The following TNS2 variants were observed in gnomAD, a reference collection of about 807,000 sequenced individuals.
TNS2 encodes the protein tensin-2.
Under a neutral mutation model 155.7 loss-of-function variants are expected in TNS2, and 77 were observed. The ratio of observed to expected loss-of-function variants is 0.49; its 90% confidence interval spans 0.41 to 0.60. The LOEUF (loss-of-function observed/expected upper bound fraction) is 0.60. Ranked by LOEUF, TNS2 falls within the 20% of genes least tolerant of loss-of-function variation. TNS2 has a pLI of 0.00. For synonymous variants in TNS2, 726 were observed against 763.9 expected (o/e 0.95, Z 0.82); for missense variants, 1,703 against 1,868.8 (o/e 0.91, Z 1.64).
At chr12:53,049,539 G>C (rs1943847894), upstream of TNS2, among the ~76,000 whole-genome samples, 1 of 152,124 alleles carries the variant, frequency 6.6e-6, no homozygotes, top group Non-Finnish European at 1.5e-5. Context: ...GGTAAAGGTG[G>C]GCGGTGCATG....
chr12:53,056,537 C>T (rs1944166024), intron 10 of TNS2, among the ~76,000 whole-genome samples: 1 of 152,144 alleles, frequency 6.6e-6, no homozygotes, highest in African/African-American at 2.4e-5. Context: ...CTTGGCATTC[C>T]TTGGTTTGCA....
At position 53,063,250 on chromosome 12, in the gene TNS2, C is replaced by A. The variant is rs1289522571; in HGVS notation, c.3985C>A (p.Gln1329Lys). 5.0e-6 allele frequency: 8 copies of A among 1,612,918 alleles called. No homozygotes were observed. Among genetic ancestry groups the A allele is most frequent in the Non-Finnish European group, 6.8e-6 (8 of 1,179,546 alleles). The change falls in exon 26 of 29, where the codon CAA becomes AAA. Residue 1329 changes from glutamine to lysine, a missense_variant. Gln to Lys is a moderately conservative substitution (Grantham distance 53, BLOSUM62 1). Transcript: ENST00000314250. The surrounding 1 kb of genome is among the most constrained non-coding windows in gnomAD (Gnocchi z 5.6). ...CCAGGGCATTACACTGACGGACAAC[C>A]AAAGGAAGTATGTATACTCAGCCCT... is the stretch of plus-strand genomic sequence containing the variant. ...SAQGITLTDN[Q>K]RKLFFRRHYP... is the part of the protein sequence containing the mutation.
rs1458710127 is a variant in TNS2, at chr12:53,057,026, C to A, written c.775C>A (p.Leu259Met). ...TGCTATCCCCAGGGCGGACCAGGCA[C>A]TGGCCACTCTTACCATGCGGAAATT... ...SKISAGADQA[L>M]ATLTMRKFCE... The change falls in exon 11 of 29, where the codon CTG becomes ATG. Residue 259 changes from leucine (L) to methionine (M), a missense_variant. Coordinates refer to ENST00000314250, the MANE Select transcript of TNS2 (RefSeq NM_170754.4). 6.2e-7 allele frequency: 1 copy of A among 1,613,592 alleles called. No homozygotes were observed. The highest frequency in any genetic ancestry group is 1.7e-5 in the Admixed American group (1 of 59,972).
intron 14 of TNS2, 92 bp downstream of exon 14, chr12:53,058,194 G>T: frequency 6.2e-7 from 1 of 1,609,146 alleles, no homozygotes; most frequent in South Asian, 1.1e-5. Flanking sequence ...ACAGATTGGA[G>T]AGCGAGTAGG....
rs772351240 is a variant in TNS2, at chr12:53,051,950, C to T, written c.171C>T (p.Gly57=). 4.7e-5 allele frequency: 76 copies of T among 1,612,910 alleles called. No individual in the cohort carries two copies. Among genetic ancestry groups the T allele is most frequent in the Non-Finnish European group, 5.9e-5 (70 of 1,179,464 alleles). ...AVCKVTIDGT[G]VSCRVCKVAT... Reference sequence around the variant, plus strand: ...GTAAGGTGACCATCGATGGGACAGGCGTTTCGTGCAGAGGTGAGGCTCTCT... The same window carrying T: ...GTAAGGTGACCATCGATGGGACAGGTGTTTCGTGCAGAGGTGAGGCTCTCT... The change falls in exon 2 of 29, where the codon GGC becomes GGT. Residue 57 remains glycine, a synonymous_variant. Transcript: ENST00000314250.
In TNS2 at chr12:53,058,605, T is replaced by C; in HGVS notation, c.1259T>C (p.Phe420Ser). Residue 420 changes from phenylalanine to serine, a missense_variant, in exon 16 of 29, where the codon TTT (phenylalanine) becomes TCT (serine). Phe to Ser is a radical substitution (Grantham distance 155). Coordinates refer to ENST00000314250, the MANE Select transcript of TNS2 (RefSeq NM_170754.4). Reference sequence around the variant, plus strand: ...TTCCCCTTCCAAGCCTCCGTGGAGTTTGTCTTCTCCTCCAGCCCCGAGAAG... The same window carrying C: ...TTCCCCTTCCAAGCCTCCGTGGAGTCTGTCTTCTCCTCCAGCCCCGAGAAG... ...ERFPFQASVE[F>S]VFSSSPEKIK... 6.2e-7 allele frequency: 1 copy of C among 1,614,000 alleles called. No homozygotes were observed. The highest frequency in any genetic ancestry group is 8.5e-7 in the Non-Finnish European group (1 of 1,179,966).
At position 53,059,268 on chromosome 12, in the gene TNS2, C is replaced by T. The variant is rs746134660; in HGVS notation, c.1627C>T (p.Arg543Cys). The T allele has an allele frequency of 1.3e-5, 20 of 1,507,270 alleles. No individual in the cohort carries two copies. The Admixed American group carries it at 2.1e-4, about 16-fold the overall frequency. The allele number at this position is 1,507,270 out of a possible 1,614,324, so 93.4% of individuals were successfully genotyped here. A position where few individuals can be genotyped will look rare whatever the true frequency, so the allele number is the denominator to read the frequency against. ...PTAAERQELD[R>C]LLGGCGVASG... ...AGCTGCTGAACGGCAGGAGCTGGATCGCCTCCTAGGAGGCTGCGGAGTGGC... is the reference window on the plus strand; with the variant it reads ...AGCTGCTGAACGGCAGGAGCTGGATTGCCTCCTAGGAGGCTGCGGAGTGGC... Residue 543 changes from arginine to cysteine, a missense_variant, in exon 18 of 29, where the codon CGC becomes TGC. Arg to Cys is a radical substitution (Grantham distance 180). Coordinates refer to ENST00000314250, the MANE Select transcript of TNS2 (RefSeq NM_170754.4). The surrounding 1 kb of genome is among the most constrained non-coding windows in gnomAD (Gnocchi z 4.7).
In TNS2 at chr12:53,051,879, T is replaced by G; in HGVS notation, c.100T>G (p.Phe34Val). The change falls in exon 2 of 29, where the codon TTC becomes GTC. Residue 34 changes from phenylalanine to valine, a missense_variant. By Grantham distance (50) the Phe-to-Val change is conservative. Coordinates refer to ENST00000314250, the MANE Select transcript of TNS2 (RefSeq NM_170754.4). ...GCCTAGGAAAGCTGAGCCTCATAGC[T>G]TCCGGGAGAAGGTTTTCCGGAAGAA... is the stretch of plus-strand genomic sequence containing the variant. Reference protein sequence around the residue: ...SRPRKAEPHSFREKVFRKKPP... With the variant: ...SRPRKAEPHSVREKVFRKKPP... 1 of 1,613,654 alleles carries G rather than the reference T, an allele frequency of 6.2e-7. No individual in the cohort carries two copies. The highest frequency in any genetic ancestry group is 8.5e-7 in the Non-Finnish European group (1 of 1,179,750).
upstream of TNS2, chr12:53,049,397 A>T (rs996373336): frequency 5.1e-5 from 34 of 672,150 alleles, no homozygotes; most frequent in Non-Finnish European, 7.9e-5. Context: ...GCACTGTGTC[A>T]GGAGCAGAAA....
chr12:53,060,096 C>G lies in TNS2; in HGVS notation c.2455C>G (p.Pro819Ala). ...CTCTCCAGGAGAGGGCAGAGGGTAT[C>G]CCAGCCCTGGTGCCCACTCCCCACG... ...CGSPGEGRGY[P>A]SPGAHSPRAG... Residue 819 changes from proline (P) to alanine (A), a missense_variant, in exon 18 of 29, where the codon CCC (proline) becomes GCC (alanine). Transcript: ENST00000314250. The surrounding 1 kb of genome is among the most constrained non-coding windows in gnomAD (Gnocchi z 6.1). 1 of 1,611,300 alleles carries G rather than the reference C, an allele frequency of 6.2e-7. No homozygotes were observed. Among genetic ancestry groups the G allele is most frequent in the Non-Finnish European group, 8.5e-7 (1 of 1,178,676 alleles).
chr12:53,048,050 T>C (rs1943791077), upstream of TNS2, among the ~76,000 whole-genome samples: 1 of 152,162 alleles, frequency 6.6e-6, no homozygotes, highest in Non-Finnish European at 1.5e-5. Flanking sequence ...TGACAGGCTC[T>C]GGAATGTTAC....
intron 7 of TNS2, 133 bp from the exon 8 acceptor site, chr12:53,055,053 G>A: frequency 1.0e-6 from 1 of 980,066 alleles, no homozygotes; most frequent in Middle Eastern, 2.2e-4. Flanking sequence ...CAAAGTGCTG[G>A]GGTTATAGGC....
chr12:53,062,788 T>G (rs1592260258), intron 25 of TNS2, 91 bp downstream of exon 25: 1 of 1,496,338 alleles, frequency 6.7e-7, no homozygotes, highest in Non-Finnish European at 9.1e-7. Context: ...GGCCTTGAGG[T>G]GGGTGAGCCC....
intron 17 of TNS2, 28 bp downstream of exon 17, chr12:53,058,855 G>A: frequency 6.2e-7 from 1 of 1,609,074 alleles, no homozygotes; most frequent in Non-Finnish European, 8.5e-7. Context: ...AGGGTGGGAG[G>A]TACAGGGTTG....
Position 53,063,526 on chromosome 12 carries a change from C to T in TNS2, c.4062-37C>T. Reference sequence around the variant, plus strand: ...CCGGCCCCCCTTCAGCAGCTGTCCCCTGGGGTGTGCATCTTCACCTTCTTC... The same window carrying T: ...CCGGCCCCCCTTCAGCAGCTGTCCCTTGGGGTGTGCATCTTCACCTTCTTC... On this transcript the variant is annotated intron_variant, in intron 27 of 28. Coordinates refer to ENST00000314250, the MANE Select transcript of TNS2 (RefSeq NM_170754.4). The surrounding 1 kb of genome is among the most constrained non-coding windows in gnomAD (Gnocchi z 5.6). 2 of 1,613,702 alleles carry T rather than the reference C, an allele frequency of 1.2e-6. No individual in the cohort carries two copies. The highest frequency in any genetic ancestry group is 1.7e-6 in the Non-Finnish European group (2 of 1,179,934).
chr12:53,062,852 G>C (rs1180482708), intron 25 of TNS2, 155 bp downstream of exon 25: 1 of 1,015,222 alleles, frequency 9.9e-7, no homozygotes, highest in African/African-American at 1.6e-5. Context: ...GAGGAATTGG[G>C]TCCTCAGCCT....
In TNS2 at chr12:53,057,833, A is replaced by T. The variant is rs1944214483; in HGVS notation, c.1019A>T (p.Tyr340Phe). 6.2e-7 allele frequency: 1 copy of T among 1,613,706 alleles called. No homozygotes were observed. The highest frequency in any genetic ancestry group is 1.3e-5 in the African/African-American group (1 of 74,898). Residue 340 changes from tyrosine (Y) to phenylalanine (F), a missense_variant and splice_region_variant, in exon 13 of 29, where the codon TAT (tyrosine) becomes TTT (phenylalanine). Physicochemically the swap from Tyr to Phe is conservative, Grantham distance 22. Coordinates refer to ENST00000314250, the MANE Select transcript of TNS2 (RefSeq NM_170754.4). ...SMQLVYTSGV[Y>F]HIAGPGPQQL... ...CAGCTTGTCTACACATCTGGAGTCT[A>T]GTGAGTGCTCTATTCCCAGGCCCCT...
At position 53,061,921 on chromosome 12, in the gene TNS2, C is replaced by A; in HGVS notation, c.3555C>A (p.Pro1185=). The change falls in exon 22 of 29, where the codon CCC becomes CCA. Residue 1185 remains proline, a synonymous_variant. Transcript: ENST00000314250. ...GLALKVATPP[P]SAQPWKGDPV... is the part of the protein sequence containing the mutation. Reference sequence around the variant, plus strand: ...CCCTCAAGGTGGCCACACCGCCACCCAGTGCCCAGCCCTGGAAAGGTACAG... The same window carrying A: ...CCCTCAAGGTGGCCACACCGCCACCAAGTGCCCAGCCCTGGAAAGGTACAG... 6.2e-7 allele frequency: 1 copy of A among 1,612,862 alleles called. No homozygotes were observed. The highest frequency in any genetic ancestry group is 8.5e-7 in the Non-Finnish European group (1 of 1,179,610).
upstream of TNS2, chr12:53,047,012 C>T (rs906975013): frequency 6.6e-6 from 1 of 152,562 alleles, no homozygotes; most frequent in Non-Finnish European, 1.5e-5. Context: ...CCAGTATGTC[C>T]CTGGCGCGGC....
Sources: allele counts gnomAD v4.1 joint callset (sites outside exome capture counted in the v4.1 genomes callset), GRCh38; gene constraint gnomAD v4.1.1; non-coding constraint Gnocchi (gnomAD v3.1); transcripts MANE v1.5; gene names NCBI Gene and HGNC (gene_info 2026-07-23, HGNC 2026-07-21).